The following NPAS1 variants were observed in gnomAD, a reference collection of about 807,000 sequenced individuals.
NPAS1 encodes neuronal PAS domain protein 1.
NPAS1 carries 29 observed loss-of-function variants against 49.2 expected under a neutral mutation model. The observed-to-expected ratio is 0.59, with a 90% CI of 0.44 to 0.80. NPAS1 has a LOEUF of 0.80. Ranked by LOEUF, NPAS1 falls within the 30% of genes least tolerant of loss-of-function variation. The pLI is 0.00. For synonymous variants in NPAS1, 408 were observed against 380.4 expected, an observed-to-expected ratio of 1.07 and a Z score of -0.84; for missense variants, 825 against 835.5, an observed-to-expected ratio of 0.99 and a Z score of 0.15.
rs2057072094 is a variant in NPAS1 at position 47,045,675 on chromosome 19, G to A, written c.*24G>A. 4 of 1,398,078 alleles carry A rather than the reference G, an allele frequency of 2.9e-6. No homozygotes were observed. Among genetic ancestry groups the A allele is most frequent in the East Asian group, 2.8e-5 (1 of 35,314 alleles). 86.6% of individuals were successfully genotyped at this position (1,398,078 alleles called of 1,614,324 possible). On this transcript the variant is annotated 3_prime_UTR_variant, in exon 12 of 12. Coordinates refer to ENST00000602212, the MANE Select transcript of NPAS1 (RefSeq NM_002517.4). ...GAGGACTGGCAGAGCTGCCGGCGCC[G>A]GACCCTGCGACAACCGGGGTCCCCC...
chr19:47,038,871 C>T (rs1309258902), intron 6 of NPAS1, among the ~76,000 whole-genome samples, 165 bp from the exon 7 acceptor site: 4 of 152,112 alleles, frequency 2.6e-5, no homozygotes, highest in Admixed American at 2.0e-4. Context: ...TAGGGGAGCC[C>T]ACATACTGTC....
chr19:47,045,284 C>T lies in NPAS1; in HGVS notation c.1406C>T (p.Pro469Leu). ...AAACGCATCAAAGTGGAGCCCGGCCCGAGGGAAACCAAAGGCTCCGAGGAC... is the reference window on the plus strand; with the variant it reads ...AAACGCATCAAAGTGGAGCCCGGCCTGAGGGAAACCAAAGGCTCCGAGGAC... ...QGKRIKVEPGPRETKGSEDSG... is the reference protein window; with the variant it reads ...QGKRIKVEPGLRETKGSEDSG... Residue 469 changes from proline to leucine, a missense_variant, in exon 12 of 12, where the codon CCG (proline) becomes CTG (leucine). Physicochemically the swap from Pro to Leu is moderately conservative, Grantham distance 98 (BLOSUM62 -3). Coordinates refer to ENST00000602212, the MANE Select transcript of NPAS1 (RefSeq NM_002517.4). 2 of 1,614,046 alleles carry T rather than the reference C, an allele frequency of 1.2e-6. No individual in the cohort carries two copies. The highest frequency in any genetic ancestry group is 1.7e-5 in the Admixed American group (1 of 60,018).
intron 10 of NPAS1, among the ~76,000 whole-genome samples, chr19:47,042,130 A>G (rs2057029101): frequency 6.6e-6 from 1 of 152,076 alleles, no homozygotes; most frequent in South Asian, 2.1e-4. Context: ...AGACAGTGAA[A>G]CCTCATCTCT....
intron 11 of NPAS1, among the ~76,000 whole-genome samples, chr19:47,043,395 C>G (rs924012620): frequency 1.3e-5 from 2 of 151,790 alleles, no homozygotes; most frequent in Admixed American, 1.3e-4. Context: ...GGAGACCATC[C>G]TGGCTAATAA....
In NPAS1 at chr19:47,039,485, C is replaced by G. The variant is rs1568508707; in HGVS notation, c.883C>G (p.Leu295Val). 6 of 1,611,030 alleles carry G rather than the reference C, an allele frequency of 3.7e-6. No homozygotes were observed. The highest frequency in any genetic ancestry group is 1.3e-5 in the African/African-American group (1 of 74,994). ...ALGHTLPPAP[L>V]AELPLHGHMI... Reference sequence around the variant, plus strand: ...CGGGCACACGTTGCCCCCGGCCCCCCTGGCTGAGCTGCCACTCCATGGACA... The same window carrying G: ...CGGGCACACGTTGCCCCCGGCCCCCGTGGCTGAGCTGCCACTCCATGGACA... The change falls in exon 8 of 12, where the codon CTG (leucine) becomes GTG (valine). Residue 295 changes from leucine to valine, a missense_variant. Leu to Val is a conservative substitution (Grantham distance 32). Transcript: ENST00000602212.
Position 47,032,300 on chromosome 19 carries a change from A to G in NPAS1, c.381A>G (p.Ala127=). ...AGLAPGRRGP[A]ALVSEVFEQH... ...CAGCCCCAGGCCGCCGCGGCCCCGC[A>G]GCGCTGGTCTCCGAAGTCTTCGAGC... Residue 127 remains alanine (A), a synonymous_variant, in exon 4 of 12, where the codon GCA becomes GCG. Coordinates refer to ENST00000602212, the MANE Select transcript of NPAS1 (RefSeq NM_002517.4). 1 of 1,613,942 alleles carries G rather than the reference A, an allele frequency of 6.2e-7. No homozygotes were observed. The highest frequency in any genetic ancestry group is 1.1e-5 in the South Asian group (1 of 91,070).
chr19:47,034,263 G>A (rs1193735695), intron 5 of NPAS1, among the ~76,000 whole-genome samples: 3 of 142,904 alleles, frequency 2.1e-5, no homozygotes, highest in Non-Finnish European at 3.0e-5. Flanking sequence ...ACAGTGAGCC[G>A]AGATCGTGGC....
At position 47,028,519 on chromosome 19, in the gene NPAS1, G is replaced by A. The variant is rs776153333; in HGVS notation, c.359-3759G>A. Among the ~76,000 whole-genome samples the A allele has an allele frequency of 6.6e-5, 10 of 152,200 alleles. No individual in the cohort carries two copies. The South Asian group carries it at 1.7e-3, about 25-fold the overall frequency. ...TAATCACACTATTAATACCAGTCCC[G>A]GCTCTGTGCTGCAGCATCTGCTTCT... On this transcript the variant is annotated intron_variant, in intron 3 of 11. Transcript: ENST00000602212.
At chr19:47,027,335 T>C (rs1380054155) in intron 3 of NPAS1, among the ~76,000 whole-genome samples, 1 of 147,258 alleles carries the variant, frequency 6.8e-6, no homozygotes, top group Non-Finnish European at 1.5e-5. Flanking sequence ...GATCCCCCTC[T>C]CTCTGCCCCA....
At chr19:47,027,333 T>TCTCTCTGCCCCAGGTCCCCAC (rs2056877555) in intron 3 of NPAS1, among the ~76,000 whole-genome samples, 2 of 118,702 alleles carry the variant, frequency 1.7e-5, no homozygotes, top group Admixed American at 9.0e-5. Context: ...TGGATCCCCC[T>TCTCTCTGCCCCAGGTCCCCAC]CTCTCTGCCC....
chr19:47,040,738 T>TGGG (rs67047644), intron 9 of NPAS1, 188 bp downstream of exon 9: 31 of 498,726 alleles, frequency 6.2e-5, no homozygotes, highest in Admixed American at 5.8e-4. Context: ...GATGTGTGTG[T>TGGG]GGGGGGGGGG....
In NPAS1 at chr19:47,021,600, C is replaced by T; in HGVS notation, c.123-12C>T. On this transcript the variant is annotated splice_polypyrimidine_tract_variant and intron_variant, in intron 2 of 11. Coordinates refer to ENST00000602212, the MANE Select transcript of NPAS1 (RefSeq NM_002517.4). The surrounding 1 kb of genome is among the most constrained non-coding windows in gnomAD (Gnocchi z 5.7). ...GGGCCCCGCCGACACCTCCTCCGCG[C>T]CGCCCGCCCAGCCTGCAGGCGCAGC... 4.8e-6 allele frequency: 7 copies of T among 1,466,748 alleles called. No individual in the cohort carries two copies. Among genetic ancestry groups the T allele is most frequent in the Non-Finnish European group, 6.3e-6 (7 of 1,109,220 alleles). The allele number at this position is 1,466,748 out of a possible 1,614,324, so 90.9% of individuals were successfully genotyped here.
At position 47,021,715 on chromosome 19, in the gene NPAS1, G is replaced by C; in HGVS notation, c.226G>C (p.Gly76Arg). The C allele has an allele frequency of 6.4e-7, 1 of 1,553,998 alleles. No individual in the cohort carries two copies. The highest frequency in any genetic ancestry group is 8.7e-7 in the Non-Finnish European group (1 of 1,150,244). Residue 76 changes from glycine to arginine, a missense_variant, in exon 3 of 12, where the codon GGC becomes CGC. Physicochemically the swap from Gly to Arg is moderately radical, Grantham distance 125. Coordinates refer to ENST00000602212, the MANE Select transcript of NPAS1 (RefSeq NM_002517.4). This position sits in a 1 kb window ranked among gnomAD's most constrained non-coding sequence, Gnocchi z 5.7. ...GCTGGCCAAGCTTCTCCCGCTGCCCGGCGCCATCTCCAGCCAGCTGGACAA... is the reference window on the plus strand; with the variant it reads ...GCTGGCCAAGCTTCTCCCGCTGCCCCGCGCCATCTCCAGCCAGCTGGACAA... ...FELAKLLPLP[G>R]AISSQLDKAS...
At chr19:47,033,484 C>T (rs576961097) in intron 5 of NPAS1, among the ~76,000 whole-genome samples, 66 of 152,108 alleles carry the variant, frequency 4.3e-4, no homozygotes, top group African/African-American at 1.5e-3. Flanking sequence ...TCAGGCAATC[C>T]GCCTGCCTCA....
rs1159911546 is a variant in NPAS1 at position 47,040,480 on chromosome 19, G to T, written c.999G>T (p.Leu333=). The part of the protein sequence containing the change: ...SDHMDLGPSE[L]VGRSCYQFVH... ...ACATGGACCTGGGGCCCTCAGAGCTGGTGGGCCGCAGCTGCTACCAGTTTG... is the reference window on the plus strand; with the variant it reads ...ACATGGACCTGGGGCCCTCAGAGCTTGTGGGCCGCAGCTGCTACCAGTTTG... Residue 333 remains leucine, a synonymous_variant, in exon 9 of 12, where the codon CTG becomes CTT. Transcript: ENST00000602212. 5.0e-6 allele frequency: 8 copies of T among 1,604,254 alleles called. No homozygotes were observed. The African/African-American group carries it at 1.1e-4, about 21-fold the overall frequency.
chr19:47,039,306 T>G, intron 7 of NPAS1, 101 bp from the exon 8 acceptor site: 6 of 1,524,034 alleles, frequency 3.9e-6, no homozygotes, highest in Non-Finnish European at 5.4e-6. Context: ...TGTCCAGTCC[T>G]CCAGCACCTG....
intron 3 of NPAS1, among the ~76,000 whole-genome samples, chr19:47,026,507 C>T (rs2056871597): frequency 6.6e-6 from 1 of 152,164 alleles, no homozygotes; most frequent in Admixed American, 6.5e-5. Flanking sequence ...CTAGACTGGG[C>T]TGGGGCCATG....
At chr19:47,026,221 A>G (rs137957270) in intron 3 of NPAS1, among the ~76,000 whole-genome samples, 58 of 151,802 alleles carry the variant, frequency 3.8e-4, no homozygotes, top group South Asian at 1.5e-3. Context: ...TTACAGGTGT[A>G]AGCCACTGGG....
intron 5 of NPAS1, among the ~76,000 whole-genome samples, chr19:47,035,530 G>GA (rs2056945417): frequency 6.6e-6 from 1 of 152,200 alleles, no homozygotes; most frequent in Non-Finnish European, 1.5e-5. Context: ...GTGTCTGATT[G>GA]AAAAGCTCTA....
Sources: gnomAD v4.1 joint callset for allele counts (sites outside exome capture counted in the v4.1 genomes callset) on GRCh38, gnomAD v4.1.1 for gene constraint, Gnocchi (gnomAD v3.1) non-coding constraint, MANE v1.5 for transcripts, NCBI Gene and HGNC (gene_info 2026-07-23, HGNC 2026-07-21) for gene names.